NAP1L4: variants seen among roughly 807,000 people sequenced by gnomAD.
NAP1L4 encodes the protein nucleosome assembly protein 1-like 4.
In NAP1L4, 15 loss-of-function variants were observed where a neutral mutation model predicts 58.2. The observed-to-expected ratio is 0.26, with a 90% CI of 0.17 to 0.40. The LOEUF is 0.40. Ranked by LOEUF, NAP1L4 falls within the 10% of genes least tolerant of loss-of-function variation. The pLI is 1.00. For missense variants in NAP1L4, 384 were observed against 451.1 expected (o/e 0.85, Z 1.35); for synonymous variants, 171 against 155.6 (o/e 1.10, Z -0.74).
intron 7 of NAP1L4, among the ~76,000 whole-genome samples, chr11:2,967,203 C>T (rs534127626): frequency 4.6e-4 from 70 of 152,272 alleles, no homozygotes; most frequent in African/African-American, 1.6e-3. Context: ...CAGCAGTGTC[C>T]TGACTGTGCC....
At chr11:2,987,410 G>A (rs1395449190) in intron 1 of NAP1L4, among the ~76,000 whole-genome samples, 1 of 151,568 alleles carries the variant, frequency 6.6e-6, no homozygotes, top group Non-Finnish European at 1.5e-5. Context: ...TTCCCCCAAA[G>A]TGCTGTGATT....
In NAP1L4 at chr11:2,951,198, T is replaced by C. The variant is rs942505365; in HGVS notation, c.1122+61A>G. 2.2e-6 allele frequency: 3 copies of C among 1,359,234 alleles called. No individual in the cohort carries two copies. The highest frequency in any genetic ancestry group is 3.1e-6 in the Non-Finnish European group (3 of 958,636). 84.2% of individuals were successfully genotyped at this position (1,359,234 alleles called of 1,614,324 possible). Reference sequence around the variant, plus strand: ...CACTACTGCCTCAAAGTGGGGAACATTTTTAAAAGTCTAAGAGTGCAGCAT... The same window carrying C: ...CACTACTGCCTCAAAGTGGGGAACACTTTTAAAAGTCTAAGAGTGCAGCAT... On this transcript the variant is annotated intron_variant, in intron 14 of 15. Coordinates refer to ENST00000380542, the MANE Select transcript of NAP1L4 (RefSeq NM_005969.4). This position sits in a 1 kb window ranked among gnomAD's most constrained non-coding sequence, Gnocchi z 4.0.
At chr11:2,973,384 C>G (rs767350832) in intron 4 of NAP1L4, among the ~76,000 whole-genome samples, 13 of 152,208 alleles carry the variant, frequency 8.5e-5, no homozygotes, top group African/African-American at 1.7e-4. Flanking sequence ...CTGGCCTCAT[C>G]ATAGACCCAA....
chr11:2,954,506 C>A lies in NAP1L4; in HGVS notation c.1035+21G>T. On this transcript the variant is annotated intron_variant, in intron 12 of 15. Transcript: ENST00000380542. This position sits in a 1 kb window ranked among gnomAD's most constrained non-coding sequence, Gnocchi z 4.8. ...AGAGATAAGCACCCAGGTGGAAGCC[C>A]CCCTTCCCCGAGCCTCATACATTGT... 6.2e-7 allele frequency: 1 copy of A among 1,613,316 alleles called. No homozygotes were observed. Among genetic ancestry groups the A allele is most frequent in the South Asian group, 1.1e-5 (1 of 91,048 alleles).
At chr11:2,987,768 A>G (rs1422961909) in intron 1 of NAP1L4, among the ~76,000 whole-genome samples, 1 of 151,588 alleles carries the variant, frequency 6.6e-6, no homozygotes, top group Non-Finnish European at 1.5e-5. Context: ...AAAAAAAAAA[A>G]AAAAAAAAAG....
rs1846063690 is a variant in NAP1L4 at position 2,948,652 on chromosome 11, AAC to A, written c.*32+573_*32+574del. ...TTCATTCAACTAGCACCAACCTCAC[AAC>A]AGTACTTTTTACTGCTGACACCAAA... On this transcript the variant is annotated intron_variant, in intron 15 of 15. Transcript: ENST00000380542. This position sits in a 1 kb window ranked among gnomAD's most constrained non-coding sequence, Gnocchi z 5.1. Among the ~76,000 whole-genome samples the A allele has an allele frequency of 6.6e-6, 1 of 152,232 alleles. No individual in the cohort carries two copies. The highest frequency in any genetic ancestry group is 1.5e-5 in the Non-Finnish European group (1 of 68,048).
chr11:2,949,869 G>A lies in NAP1L4; in HGVS notation c.1123-605C>T, dbSNP rs369243148. On this transcript the variant is annotated intron_variant, in intron 14 of 15. Transcript: ENST00000380542. This position sits in a 1 kb window ranked among gnomAD's most constrained non-coding sequence, Gnocchi z 4.0. The stretch of plus-strand genomic sequence containing the variant: ...AATACAGGGAGGGGGAGATACAAGT[G>A]CAACAAGGACAGAGGCAGCTGTGCG... Among the ~76,000 whole-genome samples, 70 of 152,366 alleles carry A rather than the reference G, an allele frequency of 4.6e-4. 1 individual carries two copies. The East Asian group carries it at 7.1e-3, about 15-fold the overall frequency.
intron 8 of NAP1L4, among the ~76,000 whole-genome samples, chr11:2,962,159 A>G (rs773539639): frequency 1.3e-5 from 2 of 152,222 alleles, no homozygotes; most frequent in African/African-American, 4.8e-5. Flanking sequence ...TGGTAAGTAC[A>G]CTGAAAGGAA....
chr11:2,955,350 C>A lies in NAP1L4; in HGVS notation c.915+394G>T, dbSNP rs114957885. On this transcript the variant is annotated intron_variant, in intron 11 of 15. Transcript: ENST00000380542. The surrounding 1 kb of genome is among the most constrained non-coding windows in gnomAD (Gnocchi z 4.2). ...TAGCTGAGATTACAGGCGCTGCCAC[C>A]GTGTCCAACTAATTTTTTTTTTTTT... is the stretch of plus-strand genomic sequence containing the variant. Among the ~76,000 whole-genome samples the A allele has an allele frequency of 6.6e-6, 1 of 151,258 alleles. No homozygotes were observed. The highest frequency in any genetic ancestry group is 1.9e-4 in the East Asian group (1 of 5,186).
chr11:2,970,669 T>C (rs1340640830), intron 6 of NAP1L4, among the ~76,000 whole-genome samples: 1 of 152,170 alleles, frequency 6.6e-6, no homozygotes, highest in Non-Finnish European at 1.5e-5. Flanking sequence ...AACGGGATTG[T>C]TATGATGAAA....
At chr11:2,958,292 C>G (rs909416820) in intron 10 of NAP1L4, 107 bp downstream of exon 10, 6 of 1,204,986 alleles carry the variant, frequency 5.0e-6, no homozygotes, top group Non-Finnish European at 7.3e-6. Flanking sequence ...ACTGACCACA[C>G]TTGCCTGAAA....
chr11:2,985,870 G>A (rs974945012), intron 1 of NAP1L4, among the ~76,000 whole-genome samples: 1 of 152,072 alleles, frequency 6.6e-6, no homozygotes, highest in Non-Finnish European at 1.5e-5. Context: ...TAATTGGGTC[G>A]AGGAAAAATA....
chr11:2,976,173 A>G, intron 3 of NAP1L4, 50 bp from the exon 4 acceptor site: 7 of 1,442,120 alleles, frequency 4.9e-6, no homozygotes, highest in Non-Finnish European at 6.7e-6. Context: ...ACCACACACA[A>G]TAGCCAAGAG....
intron 9 of NAP1L4, 55 bp from the exon 10 acceptor site, chr11:2,958,599 C>T: frequency 6.4e-7 from 1 of 1,560,864 alleles, no homozygotes; most frequent in Non-Finnish European, 8.7e-7. Flanking sequence ...AAATCCATTA[C>T]AAATGCATGC....
At position 2,949,122 on chromosome 11, in the gene NAP1L4, T is replaced by G. The variant is rs545398121; in HGVS notation, c.*32+105A>C. 5 of 843,362 alleles carry G rather than the reference T, an allele frequency of 5.9e-6. No homozygotes were observed. Among genetic ancestry groups the G allele is most frequent in the Non-Finnish European group, 9.5e-6 (5 of 527,832 alleles). The allele number at this position is 843,362 out of a possible 1,614,324, so 52.2% of individuals were successfully genotyped here. On this transcript the variant is annotated intron_variant, in intron 15 of 15. Coordinates refer to ENST00000380542, the MANE Select transcript of NAP1L4 (RefSeq NM_005969.4). This position sits in a 1 kb window ranked among gnomAD's most constrained non-coding sequence, Gnocchi z 4.0. Reference sequence around the variant, plus strand: ...TATGTCAAACCTGTGACACAGTGAGTGTACCTGGACAGCAACTCCCTCTTT... The same window carrying G: ...TATGTCAAACCTGTGACACAGTGAGGGTACCTGGACAGCAACTCCCTCTTT...
At chr11:2,991,948 C>T (rs957823355) in intron 1 of NAP1L4, 11 of 152,140 alleles carry the variant, frequency 7.2e-5, no homozygotes, top group Non-Finnish European at 1.5e-4. Flanking sequence ...AGGAGGCCGC[C>T]CGCGGCGCAG....
At position 2,945,290 on chromosome 11, in the gene NAP1L4, G is replaced by T; in HGVS notation, c.*389C>A. 1 of 279,378 alleles carries T rather than the reference G, an allele frequency of 3.6e-6. No homozygotes were observed. The highest frequency in any genetic ancestry group is 6.6e-6 in the Non-Finnish European group (1 of 151,104). 17.3% of individuals were successfully genotyped at this position (279,378 alleles called of 1,614,324 possible). On this transcript the variant is annotated 3_prime_UTR_variant, in exon 16 of 16. Coordinates refer to ENST00000380542, the MANE Select transcript of NAP1L4 (RefSeq NM_005969.4). ...ACCAGACCTCGGCCCTTTTTGCCAA[G>T]TGACCCCCACCCCACCCTGATGTGG...
In NAP1L4 at chr11:2,959,491, A is replaced by G. The variant is rs1382345059; in HGVS notation, c.746+279T>C. Among the ~76,000 whole-genome samples, 1 of 152,238 alleles carries G rather than the reference A, an allele frequency of 6.6e-6. No individual in the cohort carries two copies. The highest frequency in any genetic ancestry group is 1.9e-4 in the East Asian group (1 of 5,202). On this transcript the variant is annotated intron_variant, in intron 9 of 15. Coordinates refer to ENST00000380542, the MANE Select transcript of NAP1L4 (RefSeq NM_005969.4). This position sits in a 1 kb window ranked among gnomAD's most constrained non-coding sequence, Gnocchi z 4.9. ...AACTTCAATTCACGATGTCTAGAGA[A>G]TCCACTACTTTCATTAAAATGAAGA...
At position 2,955,770 on chromosome 11, in the gene NAP1L4, G is replaced by GA. The variant is rs1339149891; in HGVS notation, c.893-5dup. 6.2e-7 allele frequency: 1 copy of GA among 1,612,064 alleles called. No homozygotes were observed. The highest frequency in any genetic ancestry group is 1.3e-5 in the African/African-American group (1 of 74,830). On this transcript the variant is annotated splice_polypyrimidine_tract_variant and splice_region_variant and intron_variant, in intron 10 of 15. Transcript: ENST00000380542. This position sits in a 1 kb window ranked among gnomAD's most constrained non-coding sequence, Gnocchi z 4.2. ...AGTGATTCTCCATCCCCGGATGCTA[G>GA]AAAAAGAAAAGACAAAACATATTTA...
Sources: gnomAD v4.1 joint callset for allele counts (sites outside exome capture counted in the v4.1 genomes callset) on GRCh38, gnomAD v4.1.1 for gene constraint, Gnocchi (gnomAD v3.1) non-coding constraint, MANE v1.5 for transcripts, NCBI Gene and HGNC (gene_info 2026-07-23, HGNC 2026-07-21) for gene names.